AGBL4: variants seen among roughly 807,000 people sequenced by gnomAD.
AGBL4 encodes the protein AGBL carboxypeptidase 4.
Under a neutral mutation model 66.4 loss-of-function variants are expected in AGBL4, and 58 were observed. The ratio of observed to expected loss-of-function variants is 0.87; its 90% CI spans 0.71 to 1.09. The LOEUF (loss-of-function observed/expected upper bound fraction) is 1.09. Among genes scored for constraint, AGBL4 ranks in the 50% least tolerant of loss-of-function variants. AGBL4 has a pLI of 0.00. For missense variants in AGBL4, 579 were observed against 631.0 expected (o/e 0.92, Z 0.88); for synonymous variants, 234 against 222.9 (o/e 1.05, Z -0.44).
At chr1:49,804,250 C>T (rs990324875) in intron 2 of AGBL4, among the ~76,000 whole-genome samples, 3 of 152,148 alleles carry the variant, frequency 2.0e-5, no homozygotes, top group South Asian at 2.1e-4. Context: ...TTTTGCTTAC[C>T]TGTGATGGCA....
intron 3 of AGBL4, among the ~76,000 whole-genome samples, chr1:49,370,306 G>A (rs1157560462): frequency 6.6e-6 from 1 of 151,762 alleles, no homozygotes; most frequent in Admixed American, 6.6e-5. Context: ...ATACAGGGCA[G>A]GCCAGTGGAC....
At chr1:48,668,536 T>C (rs920018574) in intron 6 of AGBL4, among the ~76,000 whole-genome samples, 2 of 152,114 alleles carry the variant, frequency 1.3e-5, no homozygotes, top group African/African-American at 4.8e-5. Context: ...AGACACGACA[T>C]GTTCTCCCAC....
intron 4 of AGBL4, among the ~76,000 whole-genome samples, chr1:49,169,658 G>A (rs1049556767): frequency 2.6e-5 from 4 of 152,158 alleles, no homozygotes; most frequent in African/African-American, 9.6e-5. Flanking sequence ...CTTAGGGGAT[G>A]AAGTCTAAAT....
intron 1 of AGBL4, among the ~76,000 whole-genome samples, chr1:49,992,237 T>C (rs895841335): frequency 6.6e-6 from 1 of 151,964 alleles, no homozygotes; most frequent in East Asian, 1.9e-4. Context: ...CCGGGCATGG[T>C]AGTGGGCACC....
rs1021807797 is a variant in AGBL4, at chr1:49,809,315, C to T, written c.157+42081G>A. Among the ~76,000 whole-genome samples the T allele has an allele frequency of 3.5e-5, 5 of 141,762 alleles. No individual in the cohort carries two copies. The South Asian group carries it at 7.2e-4, about 21-fold the overall frequency. The allele number at this position is 141,762 out of a possible 152,430, so 93.0% of individuals were successfully genotyped here. A position where few individuals can be genotyped will look rare whatever the true frequency, so the allele number is the denominator to read the frequency against. ...ATGCTATCCCTCCCCCCTCCCCCCA[C>T]GACAGGCCCTGGTGTGTAATGATCC... On this transcript the variant is annotated intron_variant, in intron 2 of 13. Coordinates refer to ENST00000371839, the MANE Select transcript of AGBL4 (RefSeq NM_032785.4).
intron 3 of AGBL4, among the ~76,000 whole-genome samples, chr1:49,365,196 G>A (rs1477445559): frequency 6.6e-6 from 1 of 152,078 alleles, no homozygotes; most frequent in African/African-American, 2.4e-5. Context: ...CTTTGAGATA[G>A]CAGGCCATGG....
At chr1:48,529,213 C>A (rs1291041369), downstream of AGBL4, among the ~76,000 whole-genome samples, 2 of 152,016 alleles carry the variant, frequency 1.3e-5, no homozygotes, top group Non-Finnish European at 2.9e-5. Context: ...ACTCCTCTCA[C>A]TCTTGTCCTC....
At chr1:49,149,110 T>C (rs1646276946) in intron 4 of AGBL4, among the ~76,000 whole-genome samples, 1 of 152,196 alleles carries the variant, frequency 6.6e-6, no homozygotes, top group Admixed American at 6.5e-5. Context: ...TGTCTCCAGG[T>C]TTACAGCAAC....
intron 1 of AGBL4, among the ~76,000 whole-genome samples, chr1:49,957,412 C>G (rs979039851): frequency 1.3e-5 from 2 of 151,774 alleles, no homozygotes; most frequent in African/African-American, 4.8e-5. Flanking sequence ...CCTGGGTATC[C>G]TTGTTAACTT....
At chr1:49,063,825 C>A (rs1475448258) in intron 4 of AGBL4, among the ~76,000 whole-genome samples, 1 of 152,192 alleles carries the variant, frequency 6.6e-6, no homozygotes, top group Non-Finnish European at 1.5e-5. Context: ...GAGGGAATAG[C>A]AAGTGCCATT....
At chr1:48,802,514 G>A (rs1645833679) in intron 6 of AGBL4, among the ~76,000 whole-genome samples, 1 of 152,100 alleles carries the variant, frequency 6.6e-6, no homozygotes, top group African/African-American at 2.4e-5. Flanking sequence ...CTGGTACATT[G>A]GAAGCTCTTG....
chr1:49,833,100 T>G (rs1322783945), intron 2 of AGBL4, among the ~76,000 whole-genome samples: 1 of 152,148 alleles, frequency 6.6e-6, no homozygotes, highest in Non-Finnish European at 1.5e-5. Flanking sequence ...ATGCCTAGGT[T>G]TTCTTCTAGG....
At chr1:48,937,072 G>A (rs1238668428) in intron 5 of AGBL4, among the ~76,000 whole-genome samples, 4 of 152,180 alleles carry the variant, frequency 2.6e-5, no homozygotes, top group Admixed American at 1.3e-4. Flanking sequence ...AAGGCCGGAA[G>A]TAAGAATGTG....
In AGBL4 at chr1:48,534,138, C is replaced by T. The variant is rs1174134817; in HGVS notation, c.*35G>A. ...CATTCCCCAGCAGAAAATGCATGCT[C>T]CTGTCCCCATAAGACCTCCCAGGAC... On this transcript the variant is annotated 3_prime_UTR_variant, in exon 14 of 14. Transcript: ENST00000371839. The T allele has an allele frequency of 1.9e-6, 3 of 1,551,340 alleles. No homozygotes were observed. Among genetic ancestry groups the T allele is most frequent in the Admixed American group, 2.0e-5 (1 of 50,998 alleles).
intron 6 of AGBL4, among the ~76,000 whole-genome samples, chr1:48,846,261 G>C (rs902898390): frequency 5.3e-5 from 8 of 151,828 alleles, no homozygotes; most frequent in Admixed American, 2.6e-4. Flanking sequence ...TGGGTCTGTA[G>C]TACTGCTACA....
chr1:49,080,304 A>G (rs1392552372), intron 4 of AGBL4, among the ~76,000 whole-genome samples: 2 of 152,214 alleles, frequency 1.3e-5, no homozygotes, highest in Non-Finnish European at 2.9e-5. Context: ...AAGAACTTGA[A>G]GCAACAATAT....
intron 1 of AGBL4, among the ~76,000 whole-genome samples, chr1:49,853,151 C>T (rs929055284): frequency 7.2e-5 from 11 of 152,052 alleles, no homozygotes; most frequent in African/African-American, 2.4e-4. Context: ...TAAAATGATA[C>T]GCAGGACCAG....
intron 4 of AGBL4, among the ~76,000 whole-genome samples, chr1:49,164,095 A>T (rs999361991): frequency 1.3e-5 from 2 of 152,194 alleles, no homozygotes; most frequent in African/African-American, 4.8e-5. Flanking sequence ...GGAGGTGACA[A>T]GGAATATATT....
intron 2 of AGBL4, among the ~76,000 whole-genome samples, chr1:49,843,296 T>TTGTGTGTGTG (rs71307607): frequency 2.7e-5 from 4 of 147,784 alleles, no homozygotes; most frequent in African/African-American, 1.0e-4. Flanking sequence ...CTAGCTAATT[T>TTGTGTGTGTG]TGTGTGTGTG....
Sources: gnomAD v4.1 joint callset for allele counts (sites outside exome capture counted in the v4.1 genomes callset) on GRCh38, gnomAD v4.1.1 for gene constraint, MANE v1.5 for transcripts, NCBI Gene and HGNC (gene_info 2026-07-23, HGNC 2026-07-21) for gene names.